DMBT1: variants seen among roughly 807,000 people sequenced by gnomAD.
The protein encoded by DMBT1 is deleted in malignant brain tumors 1, also known as scavenger receptor cysteine-rich domain-containing protein DMBT1.
A neutral mutation model predicts 252.9 loss-of-function variants in DMBT1; 198 were observed. The ratio of observed to expected loss-of-function variants is 0.78; its 90% confidence interval spans 0.70 to 0.88. DMBT1 has a LOEUF of 0.88. Ranked by LOEUF, DMBT1 falls within the 40% of genes least tolerant of loss-of-function variation. The pLI, the probability that DMBT1 is intolerant of heterozygous loss-of-function variation, is 0.00. For missense variants in DMBT1, 2,432 were observed against 2,404.7 expected (o/e 1.01, Z -0.24); for synonymous variants, 990 against 942.7 (o/e 1.05, Z -0.92).
At chr10:122,636,862 C>T (rs1438848085) in intron 53 of DMBT1, among the ~76,000 whole-genome samples, 2 of 152,294 alleles carry the variant, frequency 1.3e-5, no homozygotes, top group African/African-American at 2.4e-5. Context: ...CCAAACATAC[C>T]ACTTATTTAA....
At chr10:122,632,965 T>C (rs550494936) in intron 51 of DMBT1, 75 bp downstream of exon 51, 2 of 1,598,490 alleles carry the variant, frequency 1.3e-6, no homozygotes, top group African/African-American at 1.3e-5. Context: ...TCAGTGACAA[T>C]GGGGCTGGGG....
At chr10:122,617,546 T>A (rs1173266720) in intron 40 of DMBT1, among the ~76,000 whole-genome samples, 1 of 151,588 alleles carries the variant, frequency 6.6e-6, no homozygotes, top group African/African-American at 2.4e-5. Flanking sequence ...CTGGGACCTC[T>A]TTCCTGGCCC....
intron 53 of DMBT1, among the ~76,000 whole-genome samples, chr10:122,636,496 C>G (rs2098228376): frequency 6.6e-6 from 1 of 152,222 alleles, no homozygotes; most frequent in Admixed American, 6.5e-5. Context: ...GTGCCAAAGG[C>G]AGAGGTGACC....
At chr10:122,634,431 TC>T (rs1393377807) in intron 52 of DMBT1, among the ~76,000 whole-genome samples, 3 of 26,718 alleles carry the variant, frequency 1.1e-4, no homozygotes, top group Non-Finnish European at 2.0e-4. Flanking sequence ...CTCTCTCTCT[TC>T]TCTCTCTCTC....
intron 44 of DMBT1, among the ~76,000 whole-genome samples, 164 bp downstream of exon 44, chr10:122,621,544 G>C (rs1018817580): frequency 7.2e-5 from 11 of 152,230 alleles, no homozygotes; most frequent in African/African-American, 2.7e-4. Flanking sequence ...TCACTGCCTA[G>C]TGTTCCTGTG....
At chr10:122,641,904 C>T (rs1844606132) in intron 55 of DMBT1, among the ~76,000 whole-genome samples, 2 of 152,086 alleles carry the variant, frequency 1.3e-5, no homozygotes, top group Admixed American at 1.3e-4. Flanking sequence ...CACACCCTGC[C>T]CAGGCCCTAC....
At chr10:122,634,441 TCTCTCTCTCTCTCTCTCTC>T (rs1566007885) in intron 52 of DMBT1, among the ~76,000 whole-genome samples, 2,537 of 63,352 alleles carry the variant, frequency 0.04, 73 homozygotes, top group African/African-American at 0.078. Flanking sequence ...TCTCTCTCTC[TCTCTCTCTCTCTCTCTCTC>T]TCTCTCTCTC....
chr10:122,631,073 T>C lies in DMBT1; in HGVS notation c.6138T>C (p.Ile2046=), dbSNP rs1262065221. The change falls in exon 49 of 56, where the codon ATT becomes ATC. Residue 2046 remains isoleucine, a synonymous_variant. Transcript: ENST00000338354. ...WGTVCDDSWT[I]QEAEVVCRQL... Reference sequence around the variant, plus strand: ...CAGTTTGTGATGACTCCTGGACCATTCAGGAAGCTGAGGTGGTCTGCAGAC... The same window carrying C: ...CAGTTTGTGATGACTCCTGGACCATCCAGGAAGCTGAGGTGGTCTGCAGAC... 1.9e-6 allele frequency: 3 copies of C among 1,613,884 alleles called. No homozygotes were observed. Among genetic ancestry groups the C allele is most frequent in the African/African-American group, 2.7e-5 (2 of 74,918 alleles).
intron 52 of DMBT1, among the ~76,000 whole-genome samples, chr10:122,634,451 TCTCTC>T (rs1566008723): frequency 1.1e-4 from 10 of 92,188 alleles, no homozygotes; most frequent in African/African-American, 4.9e-4. Flanking sequence ...TCTCTCTCTC[TCTCTC>T]TCTCTCTCTC....
chr10:122,631,400 G>C (rs1179830872), intron 49 of DMBT1, 119 bp downstream of exon 49: 11 of 1,295,526 alleles, frequency 8.5e-6, no homozygotes, highest in African/African-American at 4.4e-5. Flanking sequence ...GTGTCCTCGT[G>C]GCCTGCGCAC....
chr10:122,588,556 G>A (rs1410387951), intron 16 of DMBT1, among the ~76,000 whole-genome samples: 1 of 149,082 alleles, frequency 6.7e-6, no homozygotes, highest in African/African-American at 2.4e-5. Flanking sequence ...CCAAAGCCTT[G>A]CCATCCTTGG....
intron 2 of DMBT1, among the ~76,000 whole-genome samples, chr10:122,568,813 T>C (rs2097629480): frequency 6.6e-6 from 1 of 152,194 alleles, no homozygotes; most frequent in East Asian, 1.9e-4. Flanking sequence ...CTTGCATTGC[T>C]TGGGAAGGGA....
chr10:122,599,483 G>T (rs1294136529), intron 26 of DMBT1, among the ~76,000 whole-genome samples: 1 of 152,210 alleles, frequency 6.6e-6, no homozygotes, highest in Admixed American at 6.5e-5. Flanking sequence ...AACTAAAGAT[G>T]CTTGTCTGAA....
chr10:122,567,662 C>T (rs3019526), intron 2 of DMBT1, among the ~76,000 whole-genome samples: 97,124 of 151,854 alleles, frequency 0.64, 31,537 homozygotes, highest in Admixed American at 0.73. Flanking sequence ...TACCTATTTT[C>T]CTCACACCAT....
intron 14 of DMBT1, among the ~76,000 whole-genome samples, chr10:122,584,768 G>A (rs1251510983): frequency 4.7e-5 from 7 of 149,220 alleles, no homozygotes; most frequent in African/African-American, 1.2e-4. Context: ...GTCAGTGCAG[G>A]CCTGACACCT....
rs367912231 is a variant in DMBT1 at position 122,597,977 on chromosome 10, C to A, written c.2921C>A (p.Thr974Lys). The A allele has an allele frequency of 1.5e-4, 237 of 1,613,826 alleles. No homozygotes were observed. Among genetic ancestry groups the A allele is most frequent in the Non-Finnish European group, 1.9e-4 (226 of 1,179,870 alleles). The change falls in exon 25 of 56, where the codon ACA becomes AAA. Residue 974 changes from threonine (T) to lysine (K), a missense_variant. This residue lies in a region of DMBT1 where 1,264 missense variants were observed against 1,082.2 expected (regional missense o/e 1.17). Transcript: ENST00000338354. ...TTTGTCTCTGTTGCAATTACAGACA[C>A]ATTGCCGACCATCACCTTGCCTGCA... ...AHSWSTPSPD[T>K]LPTITLPAST...
chr10:122,634,481 T>TC (rs1491164057), intron 52 of DMBT1, among the ~76,000 whole-genome samples: 6 of 128,560 alleles, frequency 4.7e-5, no homozygotes, highest in East Asian at 5.0e-4. Context: ...TCTCTCTCTC[T>TC]TTCTCTCTTT....
intron 48 of DMBT1, 88 bp downstream of exon 48, chr10:122,630,578 A>T: frequency 7.3e-7 from 1 of 1,371,238 alleles, no homozygotes; most frequent in Non-Finnish European, 1.0e-6. Flanking sequence ...AAGGAAATCA[A>T]AGAAGGGCCT....
chr10:122,574,365 T>C (rs1019827409), intron 6 of DMBT1, among the ~76,000 whole-genome samples: 47 of 152,144 alleles, frequency 3.1e-4, no homozygotes, highest in Non-Finnish European at 6.6e-4. Flanking sequence ...ACTTCCCATT[T>C]CCCATGGGAA....
Sources: allele counts gnomAD v4.1 joint callset (sites outside exome capture counted in the v4.1 genomes callset), GRCh38; gene constraint gnomAD v4.1.1; regional missense constraint gnomAD v4.1.1; transcripts MANE v1.5; gene names NCBI Gene and HGNC (gene_info 2026-07-23, HGNC 2026-07-21).